EBF3: variants seen among roughly 807,000 people sequenced by gnomAD.
EBF3 encodes EBF transcription factor 3, also known as transcription factor COE3.
EBF3 carries 18 observed loss-of-function variants against 77.1 expected under a neutral mutation model. The ratio of observed to expected loss-of-function variants is 0.23; its 90% CI spans 0.16 to 0.35. The LOEUF is 0.35. Among genes scored for constraint, EBF3 ranks in the 10% least tolerant of loss-of-function variants. The probability of loss-of-function intolerance (pLI) is 1.00; values close to 1 mark genes in which losing one functional copy is unlikely to be tolerated. For missense variants in EBF3, 558 were observed against 860.0 expected (o/e 0.65, Z 4.39); for synonymous variants, 350 against 343.5 (o/e 1.02, Z -0.21).
In EBF3 at chr10:129,964,021, C is replaced by T; in HGVS notation, c.-253G>A. The T allele has an allele frequency of 1.0e-6, 1 of 985,202 alleles. No individual in the cohort carries two copies. The highest frequency in any genetic ancestry group is 1.2e-6 in the Non-Finnish European group (1 of 829,844). The allele number at this position is 985,202 out of a possible 1,614,324, so 61.0% of individuals were successfully genotyped here. A position where few individuals can be genotyped will look rare whatever the true frequency, so the allele number is the denominator to read the frequency against. On this transcript the variant is annotated 5_prime_UTR_variant, in exon 1 of 17. Transcript: ENST00000440978. This position sits in a 1 kb window ranked among gnomAD's most constrained non-coding sequence, Gnocchi z 4.5. The stretch of plus-strand genomic sequence containing the variant: ...GCTTCGAAGGAGCAGGACGCGGTGG[C>T]CGCGGCGGCGCTTGTTGTTGTTGTT...
At position 129,963,737 on chromosome 10, in the gene EBF3, C is replaced by A. The variant is rs1158260695; in HGVS notation, c.32G>T (p.Gly11Val). 1.3e-6 allele frequency: 2 copies of A among 1,534,060 alleles called. No homozygotes were observed. Among genetic ancestry groups the A allele is most frequent in the Non-Finnish European group, 8.8e-7 (1 of 1,133,276 alleles). Residue 11 changes from glycine (G) to valine (V), a missense_variant, in exon 1 of 17, where the codon GGG (glycine) becomes GTG (valine). Coordinates refer to ENST00000440978, the MANE Select transcript of EBF3 (RefSeq NM_001375380.1). The surrounding 1 kb of genome is among the most constrained non-coding windows in gnomAD (Gnocchi z 7.1). The part of the protein sequence containing the change: MFGIQENIPR[G>V]GTTMKEEPLG... ...CGGCTCCTCCTTCATGGTCGTCCCC[C>A]CGCGCGGAATATTCTCCTGAATCCC...
chr10:129,857,178 G>A lies in EBF3; in HGVS notation c.1040-8698C>T, dbSNP rs188316487. On this transcript the variant is annotated intron_variant, in intron 10 of 16. Transcript: ENST00000440978. ...AGAAGAAAAGGAATGTTCTAAGGCA[G>A]AGACGCTTTAAAGACATCACCAAGA... 6.5e-3 allele frequency among the ~76,000 whole-genome samples: 996 copies of A among 152,336 alleles called. 5 individuals carry two copies. Among genetic ancestry groups the A allele is most frequent in the Non-Finnish European group, 9.6e-3 (653 of 68,034 alleles).
intron 6 of EBF3, among the ~76,000 whole-genome samples, chr10:129,888,078 C>A (rs1225479614): frequency 2.6e-5 from 4 of 152,228 alleles, no homozygotes; most frequent in Non-Finnish European, 5.9e-5. Flanking sequence ...ACTTGAATTT[C>A]TTGCACAGGG....
intron 5 of EBF3, among the ~76,000 whole-genome samples, 164 bp downstream of exon 5, chr10:129,958,770 G>A (rs1004914294): frequency 1.3e-5 from 2 of 152,164 alleles, no homozygotes; most frequent in African/African-American, 4.8e-5. Context: ...GGGAAGGAGC[G>A]CGGGCTCCTC....
intron 6 of EBF3, among the ~76,000 whole-genome samples, chr10:129,887,266 C>T (rs75971315): frequency 1.1e-3 from 169 of 152,316 alleles, no homozygotes; most frequent in Admixed American, 8.9e-3. Context: ...CCAGCCTGAT[C>T]TCCACTATCT....
chr10:129,869,815 G>A (rs1039595071), intron 8 of EBF3, among the ~76,000 whole-genome samples: 3 of 152,144 alleles, frequency 2.0e-5, no homozygotes, highest in Non-Finnish European at 2.9e-5. Flanking sequence ...CTTAACTAGC[G>A]CTGTTGACTT....
intron 6 of EBF3, among the ~76,000 whole-genome samples, chr10:129,946,656 G>A (rs897523988): frequency 3.3e-5 from 5 of 152,194 alleles, no homozygotes; most frequent in African/African-American, 1.2e-4. Flanking sequence ...CTGCAGACGA[G>A]GCCATGCGTC....
In EBF3 at chr10:129,897,586, C is replaced by T. The variant is rs887193200; in HGVS notation, c.555-19737G>A. Among the ~76,000 whole-genome samples, 4 of 152,204 alleles carry T rather than the reference C, an allele frequency of 2.6e-5. No homozygotes were observed. The highest frequency in any genetic ancestry group is 6.5e-5 in the Admixed American group (1 of 15,288). ...GCACACGACCCTTTTATCCGAGAGGCGAAGCCCGGGAAGGTTCTCGAGGGC... is the reference window on the plus strand; with the variant it reads ...GCACACGACCCTTTTATCCGAGAGGTGAAGCCCGGGAAGGTTCTCGAGGGC... On this transcript the variant is annotated intron_variant, in intron 6 of 16. Transcript: ENST00000440978. This position sits in a 1 kb window ranked among gnomAD's most constrained non-coding sequence, Gnocchi z 4.6.
In EBF3 at chr10:129,956,788, T is replaced by C. The variant is rs115249705; in HGVS notation, c.554+470A>G. ...ACGACAGCTACAATTGGAAAAAAAT[T>C]AGGACACATTTTGCAACTAATTGAG... On this transcript the variant is annotated intron_variant, in intron 6 of 16. Coordinates refer to ENST00000440978, the MANE Select transcript of EBF3 (RefSeq NM_001375380.1). 6.8e-3 allele frequency among the ~76,000 whole-genome samples: 1,043 copies of C among 152,284 alleles called. 18 individuals are homozygous for C. The highest frequency in any genetic ancestry group is 0.024 in the African/African-American group (988 of 41,556).
chr10:129,847,092 G>A (rs1387597127), intron 11 of EBF3, among the ~76,000 whole-genome samples: 2 of 152,130 alleles, frequency 1.3e-5, no homozygotes, highest in African/African-American at 2.4e-5. Context: ...AGCTGCCAGC[G>A]GGGAGGACTG....
intron 6 of EBF3, among the ~76,000 whole-genome samples, chr10:129,923,234 G>A (rs1387859408): frequency 6.6e-6 from 1 of 152,214 alleles, no homozygotes; most frequent in African/African-American, 2.4e-5. Flanking sequence ...CTGCTCAACA[G>A]TAGAATCATT....
At chr10:129,924,883 T>C (rs961352787) in intron 6 of EBF3, among the ~76,000 whole-genome samples, 12 of 152,032 alleles carry the variant, frequency 7.9e-5, no homozygotes, top group African/African-American at 2.9e-4. Flanking sequence ...TTGCTTAGGC[T>C]GGTCTCAAAC....
chr10:129,858,428 T>C (rs1851403366), intron 10 of EBF3, among the ~76,000 whole-genome samples: 1 of 152,100 alleles, frequency 6.6e-6, no homozygotes, highest in African/African-American at 2.4e-5. Flanking sequence ...CACCCTCAGG[T>C]TGGTGCCTGT....
In EBF3 at chr10:129,840,855, G is replaced by T; in HGVS notation, c.1550C>A (p.Ser517Tyr). Residue 517 changes from serine to tyrosine, a missense_variant, in exon 14 of 17, where the codon TCT (serine) becomes TAT (tyrosine). Ser to Tyr is a moderately radical substitution (Grantham distance 144, BLOSUM62 -2). Transcript: ENST00000440978. ...AAACAGACACTTACTGCCGTAGGGAGAGTTAGCGGAGGAGCCATTAAGAAA... is the reference window on the plus strand; with the variant it reads ...AAACAGACACTTACTGCCGTAGGGATAGTTAGCGGAGGAGCCATTAAGAAA... ...PGFLNGSSAN[S>Y]PYGIVPSSPT... 1 of 1,613,420 alleles carries T rather than the reference G, an allele frequency of 6.2e-7. No individual in the cohort carries two copies. The highest frequency in any genetic ancestry group is 8.5e-7 in the Non-Finnish European group (1 of 1,179,622).
intron 6 of EBF3, among the ~76,000 whole-genome samples, chr10:129,930,650 C>T (rs1856952585): frequency 6.7e-6 from 1 of 148,268 alleles, no homozygotes; most frequent in Non-Finnish European, 1.5e-5. Context: ...TAACAAATCC[C>T]CCTCTCATAT....
chr10:129,860,907 GTA>G (rs1407740488), intron 10 of EBF3, among the ~76,000 whole-genome samples: 4 of 152,224 alleles, frequency 2.6e-5, no homozygotes, highest in African/African-American at 9.6e-5. Flanking sequence ...TGCGATTTCT[GTA>G]TGAGGTATAG....
rs1338535535 is a variant in EBF3 at position 129,943,596 on chromosome 10, C to T, written c.554+13662G>A. Among the ~76,000 whole-genome samples, 1 of 152,172 alleles carries T rather than the reference C, an allele frequency of 6.6e-6. No individual in the cohort carries two copies. Among genetic ancestry groups the T allele is most frequent in the African/African-American group, 2.4e-5 (1 of 41,434 alleles). ...TGGTTGCCAGGAGTCGCCAGCCGGG[C>T]TTGGGAACAAGACAGGTCCCCGGCG... On this transcript the variant is annotated intron_variant, in intron 6 of 16. Transcript: ENST00000440978. The surrounding 1 kb of genome is among the most constrained non-coding windows in gnomAD (Gnocchi z 8.8).
At chr10:129,883,097 T>C (rs988551999) in intron 6 of EBF3, among the ~76,000 whole-genome samples, 1 of 152,246 alleles carries the variant, frequency 6.6e-6, no homozygotes, top group East Asian at 1.9e-4. Flanking sequence ...TCTCAGCATC[T>C]CAGGAACCCT....
At chr10:129,888,435 T>C (rs1345455536) in intron 6 of EBF3, among the ~76,000 whole-genome samples, 2 of 152,224 alleles carry the variant, frequency 1.3e-5, no homozygotes, top group Non-Finnish European at 2.9e-5. Context: ...ATGCTCCTGG[T>C]GAATTGCTAG....
Sources: gnomAD v4.1 joint callset for allele counts (sites outside exome capture counted in the v4.1 genomes callset) on GRCh38, gnomAD v4.1.1 for gene constraint, Gnocchi (gnomAD v3.1) non-coding constraint, MANE v1.5 for transcripts, NCBI Gene and HGNC (gene_info 2026-07-23, HGNC 2026-07-21) for gene names.